Variants in NRG2 observed in about 807,000 individuals in gnomAD.
NRG2 encodes the protein pro-neuregulin-2, membrane-bound isoform.
In NRG2, 27 loss-of-function variants were observed where a neutral mutation model predicts 73.9. The ratio of observed to expected loss-of-function variants is 0.37; its 90% confidence interval spans 0.27 to 0.50. NRG2 has a LOEUF of 0.50. NRG2 is among the 20% of genes least tolerant of loss of function. The pLI is 0.96. For synonymous variants in NRG2, 532 were observed against 541.0 expected (o/e 0.98, Z 0.23); for missense variants, 1,126 against 1,210.1 (o/e 0.93, Z 1.03).
intron 1 of NRG2, among the ~76,000 whole-genome samples, chr5:139,889,374 A>C (rs1295454846): frequency 6.6e-6 from 1 of 152,230 alleles, no homozygotes. Flanking sequence ...TCAAAATTCA[A>C]GAAGTGAAAA....
intron 3 of NRG2, among the ~76,000 whole-genome samples, chr5:139,877,331 C>A (rs1191554853): frequency 6.6e-6 from 1 of 152,250 alleles, no homozygotes; most frequent in Non-Finnish European, 1.5e-5. Context: ...CTGAACAGAG[C>A]AGTAGCCACT....
At chr5:140,021,743 G>C (rs1160557091) in intron 1 of NRG2, among the ~76,000 whole-genome samples, 1 of 152,192 alleles carries the variant, frequency 6.6e-6, no homozygotes, top group Non-Finnish European at 1.5e-5. Flanking sequence ...AAGAGCAAAG[G>C]TAGAGAGTCA....
chr5:139,849,914 G>A (rs1761298125), intron 9 of NRG2, among the ~76,000 whole-genome samples: 1 of 152,140 alleles, frequency 6.6e-6, no homozygotes, highest in Admixed American at 6.5e-5. Flanking sequence ...TGCTGAAGCC[G>A]GTCTTCCTGT....
intron 1 of NRG2, among the ~76,000 whole-genome samples, chr5:140,039,754 T>C (rs1761775791): frequency 6.6e-6 from 1 of 152,082 alleles, no homozygotes; most frequent in Non-Finnish European, 1.5e-5. Context: ...TCTCAGAACC[T>C]ACACACACTC....
At chr5:139,880,146 A>C (rs971526455) in intron 3 of NRG2, among the ~76,000 whole-genome samples, 2 of 152,056 alleles carry the variant, frequency 1.3e-5, no homozygotes, top group African/African-American at 4.8e-5. Context: ...GATTTAAGGT[A>C]CTCAAGCTAG....
chr5:139,924,894 A>AATAC (rs1234777124), intron 1 of NRG2, among the ~76,000 whole-genome samples: 4 of 152,204 alleles, frequency 2.6e-5, no homozygotes, highest in African/African-American at 4.8e-5. Flanking sequence ...TTAAGTTGCT[A>AATAC]ATACATTTTT....
chr5:139,904,212 A>C lies in NRG2; in HGVS notation c.701-16701T>G. On this transcript the variant is annotated intron_variant, in intron 1 of 9. Transcript: ENST00000361474. The surrounding 1 kb of genome is among the most constrained non-coding windows in gnomAD (Gnocchi z 6.0). ...CTGTCACCGCGGCGGCCGCTAGCGC[A>C]GCCTAGACTCACCCGCGCTGCGCTG... The C allele has an allele frequency of 1.6e-6, 2 of 1,274,602 alleles. No individual in the cohort carries two copies. Among genetic ancestry groups the C allele is most frequent in the Non-Finnish European group, 2.0e-6 (2 of 982,334 alleles). The allele number at this position is 1,274,602 out of a possible 1,614,324, so 79.0% of individuals were successfully genotyped here.
Position 139,887,842 on chromosome 5 carries a change from C to T in NRG2, c.701-331G>A, listed in dbSNP as rs1024333068. ...ACTTACAGATGGGGAAACAGAGGCT[C>T]GGAATGGTGAAGTCACTTCCCTAAG... On this transcript the variant is annotated intron_variant, in intron 1 of 9. Transcript: ENST00000361474. This position sits in a 1 kb window ranked among gnomAD's most constrained non-coding sequence, Gnocchi z 4.5. 2.6e-5 allele frequency among the ~76,000 whole-genome samples: 4 copies of T among 152,066 alleles called. No homozygotes were observed. Among genetic ancestry groups the T allele is most frequent in the African/African-American group, 9.7e-5 (4 of 41,402 alleles).
Position 139,865,108 on chromosome 5 carries a change from G to A in NRG2, c.1189+441C>T. ...GGGAAGAGAAGAAATAGAAGAAAGAGACATACTGGAGAAGTTGACCATTGC... is the reference window on the plus strand; with the variant it reads ...GGGAAGAGAAGAAATAGAAGAAAGAAACATACTGGAGAAGTTGACCATTGC... On this transcript the variant is annotated intron_variant, in intron 5 of 9. Coordinates refer to ENST00000361474, the MANE Select transcript of NRG2 (RefSeq NM_004883.3). The surrounding 1 kb of genome is among the most constrained non-coding windows in gnomAD (Gnocchi z 5.2). The A allele has an allele frequency of 6.2e-7, 1 of 1,610,496 alleles. No homozygotes were observed. The highest frequency in any genetic ancestry group is 8.5e-7 in the Non-Finnish European group (1 of 1,176,698).
At chr5:139,873,605 C>T (rs530169568) in intron 3 of NRG2, among the ~76,000 whole-genome samples, 4 of 152,376 alleles carry the variant, frequency 2.6e-5, no homozygotes, top group South Asian at 2.1e-4. Flanking sequence ...CAAAAGCAGA[C>T]GAATGCAAGC....
Position 139,904,136 on chromosome 5 carries a change from T to C in NRG2, c.701-16625A>G, listed in dbSNP as rs1367631014. Among the ~76,000 whole-genome samples the C allele has an allele frequency of 6.6e-6, 1 of 152,002 alleles. No individual in the cohort carries two copies. The highest frequency in any genetic ancestry group is 1.5e-5 in the Non-Finnish European group (1 of 67,962). On this transcript the variant is annotated intron_variant, in intron 1 of 9. Transcript: ENST00000361474. This position sits in a 1 kb window ranked among gnomAD's most constrained non-coding sequence, Gnocchi z 6.0. ...GGGCTCCTGGCACGCAGCCCCTTGC[T>C]CTCCCGGCCGCGACGACCCGCTCGC...
intron 1 of NRG2, among the ~76,000 whole-genome samples, chr5:139,967,132 G>A (rs1396908117): frequency 2.6e-5 from 4 of 152,316 alleles, no homozygotes; most frequent in South Asian, 4.1e-4. Context: ...TAGGGTCAAC[G>A]GGAGTGGCTG....
intron 1 of NRG2, among the ~76,000 whole-genome samples, chr5:139,921,985 C>G (rs561578564): frequency 1.4e-5 from 2 of 147,214 alleles, no homozygotes; most frequent in South Asian, 4.4e-4. Flanking sequence ...ATGGGAGGAA[C>G]ATTTGAGCCC....
intron 1 of NRG2, among the ~76,000 whole-genome samples, chr5:139,952,575 T>C (rs532723827): frequency 6.6e-6 from 1 of 152,264 alleles, no homozygotes; most frequent in African/African-American, 2.4e-5. Context: ...TCCTTCCCAC[T>C]AGCCTGTCTG....
At chr5:140,025,573 T>C (rs1259180122) in intron 1 of NRG2, among the ~76,000 whole-genome samples, 1 of 152,226 alleles carries the variant, frequency 6.6e-6, no homozygotes, top group Non-Finnish European at 1.5e-5. Context: ...CCATAGAAGC[T>C]AATAAAGCAC....
In NRG2 at chr5:139,853,098, C is replaced by T; in HGVS notation, c.1293-71G>A. 2 of 1,589,644 alleles carry T rather than the reference C, an allele frequency of 1.3e-6. No homozygotes were observed. Among genetic ancestry groups the T allele is most frequent in the Non-Finnish European group, 1.7e-6 (2 of 1,168,196 alleles). Reference sequence around the variant, plus strand: ...CAACGATGAACTTCCCTAGCTATCTCTCTAGGGAAACAGCTTTTCCTCCTG... The same window carrying T: ...CAACGATGAACTTCCCTAGCTATCTTTCTAGGGAAACAGCTTTTCCTCCTG... On this transcript the variant is annotated intron_variant, in intron 6 of 9. Coordinates refer to ENST00000361474, the MANE Select transcript of NRG2 (RefSeq NM_004883.3). This position sits in a 1 kb window ranked among gnomAD's most constrained non-coding sequence, Gnocchi z 4.1.
intron 1 of NRG2, among the ~76,000 whole-genome samples, chr5:140,006,898 C>T (rs1580930043): frequency 6.6e-6 from 1 of 152,162 alleles, no homozygotes; most frequent in African/African-American, 2.4e-5. Context: ...GCCCTAGGGT[C>T]TTCCGTGAGT....
In NRG2 at chr5:139,851,460, C is replaced by T; in HGVS notation, c.1772+144G>A. 1.3e-6 allele frequency: 1 copy of T among 780,716 alleles called. No homozygotes were observed. The highest frequency in any genetic ancestry group is 1.8e-5 in the South Asian group (1 of 55,886). The allele number at this position is 780,716 out of a possible 1,614,324, so 48.4% of individuals were successfully genotyped here. A position where few individuals can be genotyped will look rare whatever the true frequency, so the allele number is the denominator to read the frequency against. ...CGATGGCTCTGAGCAGGCCATTTCA[C>T]CTTTTCTAGGACCTTGTTTTCCCAT... On this transcript the variant is annotated intron_variant, in intron 9 of 9. Transcript: ENST00000361474. This position sits in a 1 kb window ranked among gnomAD's most constrained non-coding sequence, Gnocchi z 4.2.
Position 139,904,486 on chromosome 5 carries a change from G to T in NRG2, c.701-16975C>A. The T allele has an allele frequency of 1.3e-6, 1 of 742,750 alleles. No individual in the cohort carries two copies. The highest frequency in any genetic ancestry group is 3.1e-5 in the East Asian group (1 of 32,690). 46.0% of individuals were successfully genotyped at this position (742,750 alleles called of 1,614,324 possible). On this transcript the variant is annotated intron_variant, in intron 1 of 9. Coordinates refer to ENST00000361474, the MANE Select transcript of NRG2 (RefSeq NM_004883.3). The surrounding 1 kb of genome is among the most constrained non-coding windows in gnomAD (Gnocchi z 6.0). Reference sequence around the variant, plus strand: ...GCCTGCAGCCTCAGTGCCCGAGCGCGGCGCCTTTCTTATAGGCGGTCACAC... The same window carrying T: ...GCCTGCAGCCTCAGTGCCCGAGCGCTGCGCCTTTCTTATAGGCGGTCACAC...
Sources: allele counts gnomAD v4.1 joint callset (sites outside exome capture counted in the v4.1 genomes callset), GRCh38; gene constraint gnomAD v4.1.1; non-coding constraint Gnocchi (gnomAD v3.1); transcripts MANE v1.5; gene names NCBI Gene and HGNC (gene_info 2026-07-23, HGNC 2026-07-21).